The following TCERG1L variants were observed in gnomAD, a reference collection of about 807,000 sequenced individuals.
The protein encoded by TCERG1L is transcription elongation regulator 1-like protein.
TCERG1L carries 37 observed loss-of-function variants against 56.3 expected under a neutral mutation model. The observed-to-expected ratio is 0.66, with a 90% CI of 0.51 to 0.87. TCERG1L has a LOEUF of 0.87. Ranked by LOEUF, TCERG1L falls within the 40% of genes least tolerant of loss-of-function variation. The probability of loss-of-function intolerance (pLI) is 0.00; values close to 1 mark genes in which losing one functional copy is unlikely to be tolerated. For synonymous variants in TCERG1L, 324 were observed against 326.3 expected (o/e 0.99, Z 0.08); for missense variants, 799 against 774.2 (o/e 1.03, Z -0.38).
intron 3 of TCERG1L, among the ~76,000 whole-genome samples, chr10:131,300,585 G>C (rs1846750986): frequency 6.6e-6 from 1 of 152,006 alleles, no homozygotes; most frequent in Non-Finnish European, 1.5e-5. Context: ...TTATATCGCT[G>C]ATGAAATTCT....
At chr10:131,202,263 T>C (rs1845446386) in intron 4 of TCERG1L, among the ~76,000 whole-genome samples, 1 of 152,128 alleles carries the variant, frequency 6.6e-6, no homozygotes, top group South Asian at 2.1e-4. Context: ...GTCTGCACCG[T>C]GGGGTACCAC....
chr10:131,172,301 C>T (rs1025171879), intron 4 of TCERG1L, among the ~76,000 whole-genome samples: 5 of 151,564 alleles, frequency 3.3e-5, no homozygotes, highest in Non-Finnish European at 7.4e-5. Context: ...ATGGACCCCA[C>T]GGGGGAGGAG....
intron 4 of TCERG1L, among the ~76,000 whole-genome samples, chr10:131,255,613 T>A (rs1846158583): frequency 6.6e-6 from 1 of 152,220 alleles, no homozygotes; most frequent in Non-Finnish European, 1.5e-5. Context: ...GTGGCGTGCA[T>A]GATATATTTC....
chr10:131,212,568 G>A (rs2944489), intron 4 of TCERG1L, among the ~76,000 whole-genome samples: 9,213 of 152,122 alleles, frequency 0.061, 396 homozygotes, highest in African/African-American at 0.12. Flanking sequence ...AGAAGTGAGG[G>A]TCCAGGTGAT....
chr10:131,166,979 A>G lies in TCERG1L; in HGVS notation c.857-94T>C, dbSNP rs1238001627. 2.1e-5 allele frequency: 23 copies of G among 1,080,984 alleles called. No homozygotes were observed. In the Admixed American group the frequency reaches 5.0e-4, roughly 24 times the overall value. 67.0% of individuals were successfully genotyped at this position (1,080,984 alleles called of 1,614,324 possible). A position where few individuals can be genotyped will look rare whatever the true frequency, so the allele number is the denominator to read the frequency against. On this transcript the variant is annotated intron_variant, in intron 4 of 11. Transcript: ENST00000368642. ...AAGACAAAAAGTGGCCCTGAAGATTAGAATTGGTCAGTAGACACTGTGCAT... is the reference window on the plus strand; with the variant it reads ...AAGACAAAAAGTGGCCCTGAAGATTGGAATTGGTCAGTAGACACTGTGCAT...
intron 8 of TCERG1L, among the ~76,000 whole-genome samples, chr10:131,125,726 G>T (rs1389909377): frequency 6.6e-6 from 1 of 152,182 alleles, no homozygotes; most frequent in Non-Finnish European, 1.5e-5. Flanking sequence ...GGATGGTCAG[G>T]ATTCACAGCC....
At chr10:131,094,019 G>A (rs935145864) in intron 11 of TCERG1L, among the ~76,000 whole-genome samples, 3 of 152,262 alleles carry the variant, frequency 2.0e-5, no homozygotes, top group Admixed American at 2.0e-4. Flanking sequence ...CAGGCCAGGT[G>A]GTGCCCCGTA....
chr10:131,300,477 C>A (rs1417274805), intron 3 of TCERG1L, among the ~76,000 whole-genome samples: 2 of 152,136 alleles, frequency 1.3e-5, no homozygotes, highest in African/African-American at 4.8e-5. Flanking sequence ...TTCACTAATT[C>A]TTGGCTGTAT....
chr10:131,259,846 C>A (rs1846214821), intron 4 of TCERG1L, among the ~76,000 whole-genome samples: 1 of 152,224 alleles, frequency 6.6e-6, no homozygotes, highest in African/African-American at 2.4e-5. Flanking sequence ...GGGAGCAGCA[C>A]ACGGCTTGGC....
chr10:131,283,645 C>T (rs1589771709), intron 3 of TCERG1L, among the ~76,000 whole-genome samples: 2 of 151,978 alleles, frequency 1.3e-5, no homozygotes, highest in Admixed American at 1.3e-4. Context: ...AGGACCTAGA[C>T]ATTATAATGA....
At chr10:131,131,676 T>C (rs1433032764) in intron 8 of TCERG1L, among the ~76,000 whole-genome samples, 1 of 152,130 alleles carries the variant, frequency 6.6e-6, no homozygotes, top group African/African-American at 2.4e-5. Context: ...GCCCAAAATG[T>C]GTATCGATTA....
chr10:131,185,772 A>C (rs1053489536), intron 4 of TCERG1L, among the ~76,000 whole-genome samples: 1 of 152,200 alleles, frequency 6.6e-6, no homozygotes, highest in African/African-American at 2.4e-5. Flanking sequence ...ATGATGGCTG[A>C]ATGTAAAATG....
chr10:131,260,567 T>G lies in TCERG1L; in HGVS notation c.671-123A>C. 8.5e-7 allele frequency: 1 copy of G among 1,173,392 alleles called. No homozygotes were observed. Among genetic ancestry groups the G allele is most frequent in the Non-Finnish European group, 1.1e-6 (1 of 917,658 alleles). 72.7% of individuals were successfully genotyped at this position (1,173,392 alleles called of 1,614,324 possible). A position where few individuals can be genotyped will look rare whatever the true frequency, so the allele number is the denominator to read the frequency against. On this transcript the variant is annotated intron_variant, in intron 3 of 11. Transcript: ENST00000368642. The surrounding 1 kb of genome is among the most constrained non-coding windows in gnomAD (Gnocchi z 5.8). ...CAGGTGAGGGGGGCGCTACCCCTCT[T>G]TAATGGAGGCCCACAGTATGTGCCA...
chr10:131,238,596 T>C (rs897662191), intron 4 of TCERG1L, among the ~76,000 whole-genome samples: 2 of 152,196 alleles, frequency 1.3e-5, no homozygotes, highest in East Asian at 3.9e-4. Context: ...GGAACCTTCC[T>C]CCATGTTCAT....
chr10:131,270,889 G>A (rs1218331217), intron 3 of TCERG1L, among the ~76,000 whole-genome samples: 2 of 152,128 alleles, frequency 1.3e-5, no homozygotes, highest in East Asian at 3.9e-4. Context: ...ACCCTGCCAG[G>A]CTGGGGCCAG....
intron 4 of TCERG1L, among the ~76,000 whole-genome samples, chr10:131,231,490 C>T (rs1047700324): frequency 2.6e-5 from 4 of 152,144 alleles, no homozygotes; most frequent in Admixed American, 1.3e-4. Flanking sequence ...CTGCAGCTGC[C>T]GTGGCACTGC....
intron 4 of TCERG1L, among the ~76,000 whole-genome samples, chr10:131,184,317 C>T (rs1405649015): frequency 6.6e-6 from 1 of 152,206 alleles, no homozygotes; most frequent in African/African-American, 2.4e-5. Context: ...TACTTTAAAT[C>T]AACTGTGTGA....
At chr10:131,148,692 C>T (rs935886373) in intron 6 of TCERG1L, among the ~76,000 whole-genome samples, 2 of 152,104 alleles carry the variant, frequency 1.3e-5, no homozygotes, top group African/African-American at 2.4e-5. Flanking sequence ...AAAGGAATCA[C>T]GAGCTCAGGG....
intron 11 of TCERG1L, among the ~76,000 whole-genome samples, chr10:131,096,356 A>C (rs1174027690): frequency 6.6e-6 from 1 of 152,210 alleles, no homozygotes; most frequent in Non-Finnish European, 1.5e-5. Context: ...TGACTGCTTT[A>C]ACAATGGAAA....
Sources: allele counts gnomAD v4.1 joint callset (sites outside exome capture counted in the v4.1 genomes callset), GRCh38; gene constraint gnomAD v4.1.1; non-coding constraint Gnocchi (gnomAD v3.1); transcripts MANE v1.5; gene names NCBI Gene and HGNC (gene_info 2026-07-23, HGNC 2026-07-21).